The following PDIA3 variants were observed in gnomAD, a reference collection of about 807,000 sequenced individuals.
The protein encoded by PDIA3 is protein disulfide isomerase family A member 3.
In PDIA3, 16 loss-of-function variants were observed where a neutral mutation model predicts 56.9. That is an observed-to-expected ratio of 0.28 (90% CI 0.19 to 0.43). PDIA3 has a LOEUF of 0.43. PDIA3 is among the 20% of genes least tolerant of loss of function. The pLI is 1.00. For missense variants in PDIA3, 485 were observed against 621.3 expected (o/e 0.78, Z 2.33); for synonymous variants, 192 against 216.5 (o/e 0.89, Z 0.99).
chr15:43,769,180 G>C (rs764411258), intron 9 of PDIA3, among the ~76,000 whole-genome samples: 1 of 152,290 alleles, frequency 6.6e-6, no homozygotes, highest in Non-Finnish European at 1.5e-5. Flanking sequence ...ATTTTTTATA[G>C]GGATGTGGTC....
chr15:43,764,800 C>G (rs758111956), intron 5 of PDIA3, among the ~76,000 whole-genome samples: 4 of 152,142 alleles, frequency 2.6e-5, no homozygotes, highest in African/African-American at 9.7e-5. Flanking sequence ...AAAATCTACT[C>G]TAACCCCCTT....
chr15:43,769,439 G>C, intron 9 of PDIA3, 79 bp from the exon 10 acceptor site: 1 of 1,323,260 alleles, frequency 7.6e-7, no homozygotes, highest in South Asian at 1.2e-5. Flanking sequence ...AAATTAGAGA[G>C]GGATTGGGTC....
chr15:43,747,940 C>T (rs535621105), intron 1 of PDIA3, among the ~76,000 whole-genome samples: 17 of 152,260 alleles, frequency 1.1e-4, no homozygotes, highest in African/African-American at 3.6e-4. Context: ...GGCTAACTGG[C>T]AGTACAGATT....
intron 3 of PDIA3, among the ~76,000 whole-genome samples, chr15:43,759,327 A>G (rs1047586348): frequency 2.0e-5 from 3 of 152,178 alleles, no homozygotes; most frequent in Non-Finnish European, 4.4e-5. Flanking sequence ...TACCATATAT[A>G]TGATCCAGCT....
intron 3 of PDIA3, among the ~76,000 whole-genome samples, chr15:43,757,447 G>A (rs2086785699): frequency 6.6e-6 from 1 of 151,378 alleles, no homozygotes; most frequent in African/African-American, 2.4e-5. Flanking sequence ...AGTCCTAGCT[G>A]CTCGGGAGGC....
In PDIA3 at chr15:43,772,685, C is replaced by T. The variant is rs986352482; in HGVS notation, c.*1467C>T. On this transcript the variant is annotated 3_prime_UTR_variant, in exon 13 of 13. Coordinates refer to ENST00000300289, the MANE Select transcript of PDIA3 (RefSeq NM_005313.5). ...TACATGGGTAACACCCAGGCCCTTTCCCATTATATCCAGGTATGCTACAAG... is the reference window on the plus strand; with the variant it reads ...TACATGGGTAACACCCAGGCCCTTTTCCATTATATCCAGGTATGCTACAAG... 6.5e-6 allele frequency: 1 copy of T among 153,796 alleles called. No homozygotes were observed. The highest frequency in any genetic ancestry group is 2.4e-5 in the African/African-American group (1 of 41,526). The allele number at this position is 153,796 out of a possible 1,614,324, so 9.5% of individuals were successfully genotyped here.
intron 3 of PDIA3, among the ~76,000 whole-genome samples, chr15:43,759,765 A>C (rs2086802522): frequency 6.6e-6 from 1 of 152,182 alleles, no homozygotes; most frequent in Non-Finnish European, 1.5e-5. Context: ...GGTAGCACAA[A>C]TAGTATACAA....
At chr15:43,766,269 A>G (rs2086847183) in intron 7 of PDIA3, among the ~76,000 whole-genome samples, 1 of 152,232 alleles carries the variant, frequency 6.6e-6, no homozygotes, top group Non-Finnish European at 1.5e-5. Flanking sequence ...CCATAAGGAC[A>G]AATAAACTGT....
At chr15:43,770,675 A>ATTT (rs538051478) in intron 12 of PDIA3, 95 bp downstream of exon 12, 146 of 860,014 alleles carry the variant, frequency 1.7e-4, no homozygotes, top group South Asian at 1.1e-3. Context: ...TTATTTATTT[A>ATTT]ATTATTTTTT....
rs569338045 is a variant in PDIA3, at chr15:43,746,752, C to G, written c.167+46C>G. On this transcript the variant is annotated intron_variant, in intron 1 of 12. Transcript: ENST00000300289. ...CGGGGGAAGAAAGGCGGGGCTGGGC[C>G]GGGGGCGAGAGCGCGGGGAACTGTT... is the stretch of plus-strand genomic sequence containing the variant. The G allele has an allele frequency of 1.8e-5, 29 of 1,601,204 alleles. No homozygotes were observed. The Admixed American group carries it at 4.2e-4, about 23-fold the overall frequency.
rs772456194 is a variant in PDIA3, at chr15:43,746,681, A to C, written c.142A>C (p.Met48Leu). The C allele has an allele frequency of 2.7e-5, 43 of 1,612,794 alleles. No individual in the cohort carries two copies. In the South Asian group the frequency reaches 4.3e-4, roughly 16 times the overall value. ...CTCCGACACGGGCTCTGCGGGCCTCATGCTCGTCGAGTTCTTCGCCCCCTG... is the reference window on the plus strand; with the variant it reads ...CTCCGACACGGGCTCTGCGGGCCTCCTGCTCGTCGAGTTCTTCGCCCCCTG... Reference protein sequence around the residue: ...RISDTGSAGLMLVEFFAPWCG... With the variant: ...RISDTGSAGLLLVEFFAPWCG... Residue 48 changes from methionine to leucine, a missense_variant, in exon 1 of 13, where the codon ATG (methionine) becomes CTG (leucine). Coordinates refer to ENST00000300289, the MANE Select transcript of PDIA3 (RefSeq NM_005313.5).
At chr15:43,752,594 G>T (rs1380813835) in intron 1 of PDIA3, among the ~76,000 whole-genome samples, 2 of 152,136 alleles carry the variant, frequency 1.3e-5, no homozygotes, top group Admixed American at 1.3e-4. Context: ...CTTGAATTTG[G>T]TATTTATCAT....
intron 1 of PDIA3, chr15:43,751,589 T>C (rs1366393945): frequency 7.7e-7 from 1 of 1,303,992 alleles, no homozygotes; most frequent in South Asian, 1.2e-5. Flanking sequence ...CTGAGTTCCA[T>C]TCCTGCTGGA....
Position 43,769,591 on chromosome 15 carries a change from C to G in PDIA3, c.1211C>G (p.Pro404Arg), listed in dbSNP as rs1472211695. The stretch of plus-strand genomic sequence containing the variant: ...GATGTGCTGATTGAATTTTATGCCC[C>G]TTGGTGTGGTCACTGTAAGAACCTG... ...NKDVLIEFYA[P>R]WCGHCKNLEP... Residue 404 changes from proline (P) to arginine (R), a missense_variant, in exon 10 of 13, where the codon CCT becomes CGT. Coordinates refer to ENST00000300289, the MANE Select transcript of PDIA3 (RefSeq NM_005313.5). 1 of 1,613,206 alleles carries G rather than the reference C, an allele frequency of 6.2e-7. No individual in the cohort carries two copies. Among genetic ancestry groups the G allele is most frequent in the East Asian group, 2.2e-5 (1 of 44,896 alleles).
rs565445293 is a variant in PDIA3, at chr15:43,771,414, A to T, written c.*196A>T. ...TTTATGGAAATACCAGGACCAGTTT[A>T]TGTTTGTGGTTTTGGGAAAAATTAT... is the stretch of plus-strand genomic sequence containing the variant. On this transcript the variant is annotated 3_prime_UTR_variant, in exon 13 of 13. Coordinates refer to ENST00000300289, the MANE Select transcript of PDIA3 (RefSeq NM_005313.5). 1.2e-4 allele frequency: 48 copies of T among 404,620 alleles called. No homozygotes were observed. The highest frequency in any genetic ancestry group is 5.2e-4 in the South Asian group (5 of 9,548). 25.1% of individuals were successfully genotyped at this position (404,620 alleles called of 1,614,324 possible). A position where few individuals can be genotyped will look rare whatever the true frequency, so the allele number is the denominator to read the frequency against.
At chr15:43,746,759 G>T (rs1300592620) in intron 1 of PDIA3, 53 bp downstream of exon 1, 2 of 1,590,144 alleles carry the variant, frequency 1.3e-6, no homozygotes, top group African/African-American at 1.3e-5. Flanking sequence ...GGCCGGGGGC[G>T]AGAGCGCGGG....
chr15:43,768,697 CT>C (rs577143432), intron 9 of PDIA3, 100 bp downstream of exon 9: 37,096 of 529,928 alleles, frequency 0.07, 2 homozygotes, highest in South Asian at 0.098. Context: ...TTGGCCATCT[CT>C]TTTTTTTTTT....
At chr15:43,763,914 T>A (rs565444271) in intron 5 of PDIA3, among the ~76,000 whole-genome samples, 1 of 152,272 alleles carries the variant, frequency 6.6e-6, no homozygotes, top group East Asian at 1.9e-4. Flanking sequence ...AGATGTAAGA[T>A]AGCCTAGGCA....
At chr15:43,753,198 C>T (rs1189368770) in intron 1 of PDIA3, among the ~76,000 whole-genome samples, 2 of 152,030 alleles carry the variant, frequency 1.3e-5, no homozygotes, top group Non-Finnish European at 2.9e-5. Context: ...CTGCCTCAGC[C>T]TCCCGATTAG....
Sources: allele counts gnomAD v4.1 joint callset (sites outside exome capture counted in the v4.1 genomes callset), GRCh38; gene constraint gnomAD v4.1.1; transcripts MANE v1.5; gene names NCBI Gene and HGNC (gene_info 2026-07-23, HGNC 2026-07-21).